The following NBEA variants were observed in gnomAD, a reference collection of about 807,000 sequenced individuals.
NBEA encodes the protein lysosomal-trafficking regulator 2.
Under a neutral mutation model 343.4 loss-of-function variants are expected in NBEA, and 44 were observed. The observed-to-expected ratio is 0.13, with a 90% CI of 0.10 to 0.16. NBEA has a LOEUF of 0.16. NBEA is among the 10% of genes least tolerant of loss of function. The pLI is 1.00. For synonymous variants in NBEA, 1,175 were observed against 1,238.7 expected (o/e 0.95, Z 1.08); for missense variants, 2,555 against 3,631.3 (o/e 0.70, Z 7.62).
Position 35,252,065 on chromosome 13 carries a change from T to G in NBEA, c.5776+19446T>G, listed in dbSNP as rs146951567. On this transcript the variant is annotated intron_variant, in intron 34 of 58. Coordinates refer to ENST00000379939, the MANE Select transcript of NBEA (RefSeq NM_001385012.1). Reference sequence around the variant, plus strand: ...TTTATCCACTTCTGTATTAGTCCATTTTCATACTGCTATAAAGAACTGCCC... The same window carrying G: ...TTTATCCACTTCTGTATTAGTCCATGTTCATACTGCTATAAAGAACTGCCC... Among the ~76,000 whole-genome samples the G allele has an allele frequency of 2.1e-3, 327 of 152,290 alleles. 2 individuals carry two copies. Among genetic ancestry groups the G allele is most frequent in the Non-Finnish European group, 2.1e-3 (141 of 68,018 alleles).
intron 48 of NBEA, 62 bp downstream of exon 48, chr13:35,606,640 G>A: frequency 7.3e-7 from 1 of 1,376,370 alleles, no homozygotes; most frequent in South Asian, 1.8e-5. Context: ...CTGTAGTTTT[G>A]TTTTGTCCTG....
intron 38 of NBEA, among the ~76,000 whole-genome samples, chr13:35,429,434 A>G (rs2044940504): frequency 6.6e-6 from 1 of 151,900 alleles, no homozygotes; most frequent in African/African-American, 2.4e-5. Flanking sequence ...TCTTTTGACT[A>G]GAGGGAGCAG....
chr13:35,662,846 A>C (rs2085167405), intron 55 of NBEA, among the ~76,000 whole-genome samples: 2 of 152,154 alleles, frequency 1.3e-5, no homozygotes, highest in African/African-American at 4.8e-5. Context: ...AAAGGTCCCA[A>C]AACTATTCAT....
At chr13:35,151,483 C>T (rs926259661) in intron 18 of NBEA, among the ~76,000 whole-genome samples, 10 of 145,828 alleles carry the variant, frequency 6.9e-5, no homozygotes, top group East Asian at 2.0e-4. Context: ...GTGGAGGTTG[C>T]GGTGAGCCGA....
At chr13:35,470,290 TC>T (rs1017729541) in intron 40 of NBEA, among the ~76,000 whole-genome samples, 2 of 152,088 alleles carry the variant, frequency 1.3e-5, no homozygotes, top group Non-Finnish European at 2.9e-5. Context: ...GAAGATATGC[TC>T]CCCACGGAAA....
At chr13:35,664,529 T>A (rs1449373783) in intron 55 of NBEA, among the ~76,000 whole-genome samples, 1 of 152,238 alleles carries the variant, frequency 6.6e-6, no homozygotes, top group Non-Finnish European at 1.5e-5. Flanking sequence ...ATTCTCTAAG[T>A]CCTTCAATTT....
intron 33 of NBEA, among the ~76,000 whole-genome samples, chr13:35,223,137 A>C (rs1012512289): frequency 5.3e-5 from 8 of 152,216 alleles, no homozygotes; most frequent in Non-Finnish European, 8.8e-5. Context: ...GTCTTGAAAA[A>C]GAAAAAGAAA....
At chr13:35,295,500 A>G (rs1019097145) in intron 35 of NBEA, among the ~76,000 whole-genome samples, 1 of 152,162 alleles carries the variant, frequency 6.6e-6, no homozygotes, top group Non-Finnish European at 1.5e-5. Flanking sequence ...TATGTTATAT[A>G]ATCTTTATTG....
intron 41 of NBEA, among the ~76,000 whole-genome samples, chr13:35,537,941 C>T (rs185735892): frequency 8.7e-4 from 133 of 152,276 alleles, no homozygotes; most frequent in Admixed American, 4.4e-3. Flanking sequence ...ACTGCTTTCT[C>T]GCTGTGTTCT....
intron 44 of NBEA, among the ~76,000 whole-genome samples, chr13:35,563,911 T>C (rs2080008872): frequency 6.6e-6 from 1 of 151,834 alleles, no homozygotes; most frequent in South Asian, 2.1e-4. Context: ...GTTCAAGGAG[T>C]ACATGTGCAG....
At chr13:35,423,768 C>G (rs985823593) in intron 38 of NBEA, among the ~76,000 whole-genome samples, 10 of 152,132 alleles carry the variant, frequency 6.6e-5, no homozygotes, top group Non-Finnish European at 1.3e-4. Flanking sequence ...GATATTGGTT[C>G]TTCCTACCCA....
At chr13:35,613,191 C>T (rs1296158961) in intron 48 of NBEA, among the ~76,000 whole-genome samples, 2 of 150,852 alleles carry the variant, frequency 1.3e-5, no homozygotes, top group Admixed American at 6.6e-5. Flanking sequence ...CAACATTTCC[C>T]CTTTCCCTAT....
intron 38 of NBEA, among the ~76,000 whole-genome samples, chr13:35,355,518 G>A (rs1028522629): frequency 3.3e-5 from 5 of 152,112 alleles, no homozygotes; most frequent in Non-Finnish European, 7.4e-5. Flanking sequence ...GGCTACCATA[G>A]TAGTTATCAC....
At chr13:35,608,554 G>C (rs2082377313) in intron 48 of NBEA, among the ~76,000 whole-genome samples, 1 of 152,132 alleles carries the variant, frequency 6.6e-6, no homozygotes, top group East Asian at 1.9e-4. Flanking sequence ...AGAGCTCAGA[G>C]CCCTGCTTGG....
chr13:35,096,665 G>A (rs1211374181), intron 10 of NBEA, among the ~76,000 whole-genome samples: 2 of 151,872 alleles, frequency 1.3e-5, no homozygotes, highest in Admixed American at 1.3e-4. Flanking sequence ...TTTGGTGTAT[G>A]TAAGAATTCT....
At chr13:35,655,059 A>ATTTTG in intron 54 of NBEA, 49 bp downstream of exon 54, 1 of 1,357,142 alleles carries the variant, frequency 7.4e-7, no homozygotes. Context: ...GACTATTGTT[A>ATTTTG]AAACCAAAGC....
intron 1 of NBEA, among the ~76,000 whole-genome samples, chr13:34,955,213 C>T (rs1023443652): frequency 3.3e-5 from 5 of 151,888 alleles, no homozygotes; most frequent in African/African-American, 1.2e-4. Context: ...CATATGGAAA[C>T]TTCCGTTTTT....
intron 31 of NBEA, among the ~76,000 whole-genome samples, chr13:35,205,458 T>G (rs1183798773): frequency 1.3e-5 from 2 of 152,148 alleles, no homozygotes; most frequent in East Asian, 1.9e-4. Context: ...GACTTTCAGA[T>G]TTTTTAAAAA....
At chr13:34,983,138 A>G (rs1056603118) in intron 1 of NBEA, among the ~76,000 whole-genome samples, 13 of 152,128 alleles carry the variant, frequency 8.5e-5, no homozygotes, top group Non-Finnish European at 1.3e-4. Flanking sequence ...CATCATTTAC[A>G]TTAGGTATTT....
Sources: gnomAD v4.1 joint callset for allele counts (sites outside exome capture counted in the v4.1 genomes callset) on GRCh38, gnomAD v4.1.1 for gene constraint, MANE v1.5 for transcripts, NCBI Gene and HGNC (gene_info 2026-07-23, HGNC 2026-07-21) for gene names.